MAN1B1: variants seen among roughly 807,000 people sequenced by gnomAD.
MAN1B1 encodes mannosidase alpha class 1B member 1.
A neutral mutation model predicts 75.5 loss-of-function variants in MAN1B1; 66 were observed. The ratio of observed to expected loss-of-function variants is 0.87; its 90% CI spans 0.72 to 1.07. MAN1B1 has a LOEUF of 1.07. MAN1B1 is among the 50% of genes least tolerant of loss of function. The pLI is 0.00. For missense variants in MAN1B1, 973 were observed against 912.5 expected, an observed-to-expected ratio of 1.07 and a Z score of -0.85; for synonymous variants, 453 against 382.8, an observed-to-expected ratio of 1.18 and a Z score of -2.14.
In MAN1B1 at chr9:137,087,237, T is replaced by C. The variant is rs1688113587; in HGVS notation, c.219+19T>C. ...CTGGAGGGTGAGGGTCGCGCCGGGCTGACTGGGGCCCGGGGCTGCCGTGCC... is the reference window on the plus strand; with the variant it reads ...CTGGAGGGTGAGGGTCGCGCCGGGCCGACTGGGGCCCGGGGCTGCCGTGCC... On this transcript the variant is annotated intron_variant, in intron 1 of 12. Coordinates refer to ENST00000371589, the MANE Select transcript of MAN1B1 (RefSeq NM_016219.5). 1 of 1,558,916 alleles carries C rather than the reference T, an allele frequency of 6.4e-7. No individual in the cohort carries two copies. Among genetic ancestry groups the C allele is most frequent in the Non-Finnish European group, 8.7e-7 (1 of 1,151,998 alleles).
At chr9:137,098,274 C>G (rs1361716724) in intron 5 of MAN1B1, among the ~76,000 whole-genome samples, 1 of 152,246 alleles carries the variant, frequency 6.6e-6, no homozygotes, top group Non-Finnish European at 1.5e-5. Flanking sequence ...GGGGCCACTT[C>G]ATTCTCAGCA....
intron 8 of MAN1B1, chr9:137,102,436 C>G (rs1470761692): frequency 2.3e-6 from 1 of 429,112 alleles, no homozygotes; most frequent in Non-Finnish European, 4.5e-6. Flanking sequence ...GTGTTACATT[C>G]ACACTGTTGC....
At chr9:137,089,513 T>C (rs1830464703) in intron 3 of MAN1B1, among the ~76,000 whole-genome samples, 1 of 152,126 alleles carries the variant, frequency 6.6e-6, no homozygotes, top group African/African-American at 2.4e-5. Flanking sequence ...AAGGAGGACC[T>C]TGGCATATGC....
chr9:137,106,831 TC>T, intron 10 of MAN1B1, 22 bp downstream of exon 10: 1 of 1,611,180 alleles, frequency 6.2e-7, no homozygotes, highest in African/African-American at 1.3e-5. Flanking sequence ...TGCGGGGCCT[TC>T]CGGCCGCCGC....
At chr9:137,101,345 A>T (rs932590622) in intron 7 of MAN1B1, 139 bp from the exon 8 acceptor site, 4 of 1,065,208 alleles carry the variant, frequency 3.8e-6, no homozygotes, top group Admixed American at 3.7e-5. Context: ...ACATTCACTC[A>T]GTGCAGAGTG....
chr9:137,087,448 G>A (rs1830403442), intron 1 of MAN1B1: 1 of 700,794 alleles, frequency 1.4e-6, no homozygotes, highest in South Asian at 1.5e-5. Context: ...GGTGGGAAGA[G>A]GGCTCAGAGC....
At chr9:137,102,101 G>A (rs542639922) in intron 8 of MAN1B1, 189 of 451,248 alleles carry the variant, frequency 4.2e-4, no homozygotes, top group African/African-American at 3.5e-3. Context: ...TGTTGCAGGC[G>A]TGCAGGTCGG....
chr9:137,102,382 G>A (rs73668395), intron 8 of MAN1B1: 1 of 437,154 alleles, frequency 2.3e-6, no homozygotes, highest in South Asian at 1.6e-5. Flanking sequence ...CAGACGTGCA[G>A]GTCAGTGCTG....
At position 137,101,713 on chromosome 9, in the gene MAN1B1, A is replaced by T. The variant is rs536213319; in HGVS notation, c.1254+41A>T. On this transcript the variant is annotated intron_variant, in intron 8 of 12. Transcript: ENST00000371589. ...TTCTGGCTGGATGCGCCTCCCCTGG[A>T]GCTACCTTTTGCTCATCACAGCAGG... 1.6e-5 allele frequency: 25 copies of T among 1,589,966 alleles called. No homozygotes were observed. The East Asian group carries it at 5.7e-4, about 36-fold the overall frequency.
chr9:137,090,047 G>C (rs1321563409), intron 3 of MAN1B1, among the ~76,000 whole-genome samples: 1 of 152,146 alleles, frequency 6.6e-6, no homozygotes, highest in East Asian at 1.9e-4. Flanking sequence ...ACCAGGCTGA[G>C]AAGATTGGGG....
At chr9:137,089,251 C>A (rs539920815) in intron 3 of MAN1B1, 1 of 543,844 alleles carries the variant, frequency 1.8e-6, no homozygotes, top group South Asian at 2.0e-5. Context: ...ATAAGACAGA[C>A]CTGTTTCCTC....
chr9:137,089,404 G>C, intron 3 of MAN1B1: 1 of 302,338 alleles, frequency 3.3e-6, no homozygotes, highest in South Asian at 3.0e-5. Flanking sequence ...GTTCAGGGGA[G>C]GCCGTGGCAC....
At chr9:137,102,616 A>C in intron 8 of MAN1B1, 1 of 434,162 alleles carries the variant, frequency 2.3e-6, no homozygotes, top group South Asian at 1.6e-5. Context: ...GCAAGCGTGC[A>C]GGTCGGTGGT....
chr9:137,102,631 C>A (rs897631933), intron 8 of MAN1B1: 1 of 440,784 alleles, frequency 2.3e-6, no homozygotes, highest in Non-Finnish European at 4.5e-6. Context: ...GGTGGTGTTA[C>A]ATTCACGCTG....
chr9:137,105,849 G>A (rs1313058105), intron 8 of MAN1B1: 2 of 621,644 alleles, frequency 3.2e-6, no homozygotes, highest in Non-Finnish European at 6.0e-6. Context: ...CTTCGAGTAA[G>A]GGATGAGAGC....
chr9:137,091,199 C>T (rs929541790), intron 3 of MAN1B1, among the ~76,000 whole-genome samples: 1 of 152,240 alleles, frequency 6.6e-6, no homozygotes, highest in East Asian at 1.9e-4. Flanking sequence ...GGTCCTTCGT[C>T]TCCTTTGCAT....
At chr9:137,100,134 G>A (rs1422430888) in intron 6 of MAN1B1, among the ~76,000 whole-genome samples, 2 of 152,222 alleles carry the variant, frequency 1.3e-5, no homozygotes, top group Non-Finnish European at 1.5e-5. Flanking sequence ...GGACGTCCAA[G>A]GGACATTCCC....
chr9:137,093,437 CCGTA>C (rs1830569648), intron 3 of MAN1B1, among the ~76,000 whole-genome samples: 1 of 152,132 alleles, frequency 6.6e-6, no homozygotes, highest in Non-Finnish European at 1.5e-5. Context: ...GCCACCAAGT[CCGTA>C]GGAGTAATCC....
chr9:137,107,798 G>C, intron 12 of MAN1B1, 136 bp downstream of exon 12: 1 of 1,298,528 alleles, frequency 7.7e-7, no homozygotes. Flanking sequence ...CCGCAGCCTC[G>C]GGGTGGCCAC....
Sources: gnomAD v4.1 joint callset for allele counts (sites outside exome capture counted in the v4.1 genomes callset) on GRCh38, gnomAD v4.1.1 for gene constraint, MANE v1.5 for transcripts, NCBI Gene and HGNC (gene_info 2026-07-23, HGNC 2026-07-21) for gene names.